Variants in FAF1 observed in about 807,000 individuals in gnomAD.
The protein encoded by FAF1 is Fas associated factor 1.
In FAF1, 25 loss-of-function variants were observed where a neutral mutation model predicts 92.5. That is an observed-to-expected ratio of 0.27 (90% CI 0.20 to 0.38). The LOEUF (loss-of-function observed/expected upper bound fraction) is 0.38, where lower values mean the gene tolerates loss of function less well. FAF1 is among the 10% of genes least tolerant of loss of function. FAF1 has a pLI of 1.00. For missense variants in FAF1, 636 were observed against 793.3 expected (o/e 0.80, Z 2.38); for synonymous variants, 234 against 273.2 (o/e 0.86, Z 1.42).
intron 12 of FAF1, among the ~76,000 whole-genome samples, chr1:50,573,831 AC>A (rs747339197): frequency 0.069 from 10,194 of 148,094 alleles, 343 homozygotes; most frequent in African/African-American, 0.095. Context: ...AAAAAAAAAA[AC>A]AAAACAAAGC....
chr1:50,845,311 A>ACT (rs1377436572), intron 2 of FAF1, among the ~76,000 whole-genome samples: 1 of 151,940 alleles, frequency 6.6e-6, no homozygotes, highest in African/African-American at 2.4e-5. Context: ...GGTCCAGAAC[A>ACT]CTCTCTCTCT....
intron 2 of FAF1, among the ~76,000 whole-genome samples, chr1:50,847,174 C>G (rs1434854571): frequency 6.6e-6 from 1 of 152,060 alleles, no homozygotes; most frequent in Admixed American, 6.6e-5. Context: ...GTTAGTCATT[C>G]AGACTGCATA....
intron 2 of FAF1, among the ~76,000 whole-genome samples, chr1:50,819,856 C>T (rs1480400376): frequency 7.0e-6 from 1 of 142,142 alleles, no homozygotes; most frequent in Non-Finnish European, 1.5e-5. Context: ...AGCTTCAGCA[C>T]TTACTAGGAA....
At chr1:50,902,997 C>T (rs1644808486) in intron 1 of FAF1, among the ~76,000 whole-genome samples, 1 of 152,066 alleles carries the variant, frequency 6.6e-6, no homozygotes, top group African/African-American at 2.4e-5. Context: ...CTTGGTCCTT[C>T]TCCTTATTAC....
At chr1:50,513,518 C>T (rs979841460) in intron 15 of FAF1, among the ~76,000 whole-genome samples, 6 of 152,050 alleles carry the variant, frequency 3.9e-5, no homozygotes, top group Admixed American at 1.3e-4. Context: ...TAGCCCTAGG[C>T]CTAACTTATC....
At chr1:50,764,756 G>A (rs78345609) in intron 4 of FAF1, among the ~76,000 whole-genome samples, 5 of 152,168 alleles carry the variant, frequency 3.3e-5, no homozygotes, top group African/African-American at 1.2e-4. Flanking sequence ...GGCAAAAGTA[G>A]AAATTCTGTT....
chr1:50,721,282 TCTGCTCGCTGCAAC>T (rs1569833049), intron 6 of FAF1, among the ~76,000 whole-genome samples: 2 of 152,042 alleles, frequency 1.3e-5, no homozygotes, highest in Non-Finnish European at 2.9e-5. Context: ...ACCAGCGATC[TCTGCTCGCTGCAAC>T]CTCCGCCTCC....
chr1:50,708,609 C>T (rs1244311657), intron 6 of FAF1, among the ~76,000 whole-genome samples: 1 of 151,916 alleles, frequency 6.6e-6, no homozygotes, highest in Non-Finnish European at 1.5e-5. Flanking sequence ...ACCATATAGT[C>T]AGTTTTTAGG....
At chr1:50,537,806 C>T (rs538012653) in intron 14 of FAF1, among the ~76,000 whole-genome samples, 57 of 152,076 alleles carry the variant, frequency 3.7e-4, no homozygotes, top group East Asian at 7.7e-4. Context: ...TTGAAATTTA[C>T]GAAGAAAATC....
chr1:50,674,951 C>T (rs1321399251), intron 7 of FAF1, among the ~76,000 whole-genome samples: 3 of 151,686 alleles, frequency 2.0e-5, no homozygotes, highest in Admixed American at 6.6e-5. Flanking sequence ...AGTGCAGTGG[C>T]GCGATCTTGG....
At chr1:50,864,867 G>T (rs1037658880) in intron 1 of FAF1, among the ~76,000 whole-genome samples, 7 of 152,124 alleles carry the variant, frequency 4.6e-5, no homozygotes, top group Non-Finnish European at 8.8e-5. Flanking sequence ...AAGAGCTTCT[G>T]CACAGCAAAA....
chr1:50,484,511 T>C (rs1646740798), intron 17 of FAF1, among the ~76,000 whole-genome samples: 1 of 152,096 alleles, frequency 6.6e-6, no homozygotes. Context: ...CCTTATTGAA[T>C]TGTAAAAATT....
At chr1:50,659,942 T>C (rs1655299184) in intron 7 of FAF1, among the ~76,000 whole-genome samples, 1 of 152,226 alleles carries the variant, frequency 6.6e-6, no homozygotes, top group African/African-American at 2.4e-5. Flanking sequence ...TTGTCATTGC[T>C]AATAAACACC....
intron 1 of FAF1, among the ~76,000 whole-genome samples, chr1:50,948,168 C>T (rs186538091): frequency 6.6e-6 from 1 of 152,236 alleles, no homozygotes; most frequent in Admixed American, 6.5e-5. Context: ...TAGAAACTTT[C>T]CAAAGGAACA....
chr1:50,538,312 C>T (rs1251804571), intron 14 of FAF1, among the ~76,000 whole-genome samples: 1 of 151,952 alleles, frequency 6.6e-6, no homozygotes, highest in Non-Finnish European at 1.5e-5. Context: ...ACCCATACCT[C>T]CCATTGTGCC....
At chr1:50,514,259 T>C (rs115139154) in intron 15 of FAF1, among the ~76,000 whole-genome samples, 2,035 of 152,296 alleles carry the variant, frequency 0.013, 44 homozygotes, top group African/African-American at 0.045. Flanking sequence ...ATTTATCTCT[T>C]TATTCTGACC....
At chr1:50,804,201 T>C (rs910220565) in intron 2 of FAF1, among the ~76,000 whole-genome samples, 1 of 152,166 alleles carries the variant, frequency 6.6e-6, no homozygotes, top group Non-Finnish European at 1.5e-5. Flanking sequence ...CCAAGTATAT[T>C]CAACAATTAG....
intron 7 of FAF1, among the ~76,000 whole-genome samples, chr1:50,676,013 G>C (rs780878864): frequency 2.0e-5 from 3 of 152,154 alleles, no homozygotes; most frequent in Non-Finnish European, 2.9e-5. Context: ...TATTCTTTGT[G>C]ACTTCAAAAA....
intron 1 of FAF1, among the ~76,000 whole-genome samples, chr1:50,918,069 A>G (rs1644933591): frequency 6.6e-6 from 1 of 152,108 alleles, no homozygotes; most frequent in Admixed American, 6.6e-5. Context: ...CAGCCTCCCA[A>G]AGTGCTAGGA....
Sources: gnomAD v4.1 joint callset for allele counts (sites outside exome capture counted in the v4.1 genomes callset) on GRCh38, gnomAD v4.1.1 for gene constraint, MANE v1.5 for transcripts, NCBI Gene and HGNC (gene_info 2026-07-23, HGNC 2026-07-21) for gene names.